Variants in MAGI2 observed in about 807,000 individuals in gnomAD.
MAGI2 encodes the protein membrane-associated guanylate kinase, WW and PDZ domain-containing protein 2.
A neutral mutation model predicts 133.3 loss-of-function variants in MAGI2; 35 were observed. The observed-to-expected ratio is 0.26, with a 90% CI of 0.20 to 0.35. The LOEUF is 0.35. Among genes scored for constraint, MAGI2 ranks in the 10% least tolerant of loss-of-function variants. MAGI2 has a pLI of 1.00. For missense variants in MAGI2, 1,636 were observed against 1,863.4 expected, an observed-to-expected ratio of 0.88 and a Z score of 2.25; for synonymous variants, 729 against 710.6, an observed-to-expected ratio of 1.03 and a Z score of -0.41.
rs34294077 is a variant in MAGI2 at position 78,730,412 on chromosome 7, CAAAAAAAA to C, written c.419-103181_419-103174del. Among the ~76,000 whole-genome samples, 7 of 138,236 alleles carry C rather than the reference CAAAAAAAA, an allele frequency of 5.1e-5. No individual in the cohort carries two copies. In the East Asian group the frequency reaches 1.1e-3, roughly 21 times the overall value. The allele number at this position is 138,236 out of a possible 152,430, so 90.7% of individuals were successfully genotyped here. A position where few individuals can be genotyped will look rare whatever the true frequency, so the allele number is the denominator to read the frequency against. On this transcript the variant is annotated intron_variant, in intron 2 of 21. Transcript: ENST00000354212. ...TTCTTCCAAGCCACTAATACTAAGC[CAAAAAAAA>C]AAAAAAAAAGAGGCATAACTGGCAT...
chr7:78,070,162 TAC>T (rs1304325793), intron 21 of MAGI2, among the ~76,000 whole-genome samples: 43 of 53,620 alleles, frequency 8.0e-4, no homozygotes, highest in South Asian at 2.6e-3. Flanking sequence ...CACATATATA[TAC>T]ACACACACAC....
At chr7:78,098,196 G>C (rs1159858484) in intron 20 of MAGI2, among the ~76,000 whole-genome samples, 1 of 152,070 alleles carries the variant, frequency 6.6e-6, no homozygotes, top group East Asian at 1.9e-4. Context: ...CATGCTTTCT[G>C]ACTTTATTCC....
chr7:78,513,231 T>A (rs1795756673), intron 4 of MAGI2, among the ~76,000 whole-genome samples: 2 of 152,178 alleles, frequency 1.3e-5, no homozygotes, highest in African/African-American at 4.8e-5. Context: ...GACTTTAAAT[T>A]TGATCTTGAT....
intron 1 of MAGI2, among the ~76,000 whole-genome samples, chr7:79,227,303 C>G (rs1241358230): frequency 6.6e-6 from 1 of 152,114 alleles, no homozygotes; most frequent in Non-Finnish European, 1.5e-5. Flanking sequence ...ATAATATACC[C>G]ACTGTAATGT....
intron 6 of MAGI2, chr7:78,486,329 T>C (rs1436807896): frequency 2.0e-5 from 3 of 151,946 alleles, no homozygotes; most frequent in African/African-American, 4.8e-5. Context: ...AAAATATTGG[T>C]GTTCAAGACC....
chr7:78,550,756 G>T (rs1799264668), intron 3 of MAGI2, among the ~76,000 whole-genome samples: 1 of 147,148 alleles, frequency 6.8e-6, no homozygotes. Context: ...CCTCTGAACA[G>T]TTTTTTTTTT....
intron 2 of MAGI2, among the ~76,000 whole-genome samples, chr7:78,911,844 C>T (rs1253366361): frequency 6.6e-6 from 1 of 151,910 alleles, no homozygotes; most frequent in Non-Finnish European, 1.5e-5. Context: ...CTGTTCCTCT[C>T]TCTCCTCCAA....
intron 2 of MAGI2, among the ~76,000 whole-genome samples, chr7:78,779,523 A>G (rs1826239675): frequency 1.3e-5 from 2 of 152,234 alleles, no homozygotes; most frequent in African/African-American, 2.4e-5. Context: ...TGGTCTACCT[A>G]GAGACCAGAA....
chr7:78,925,740 C>CA (rs903278880), intron 2 of MAGI2, among the ~76,000 whole-genome samples: 6 of 151,360 alleles, frequency 4.0e-5, no homozygotes, highest in African/African-American at 1.2e-4. Context: ...ATGTATTTTT[C>CA]AAAAAATATT....
At chr7:78,211,086 T>C (rs1787723806) in intron 10 of MAGI2, among the ~76,000 whole-genome samples, 2 of 152,098 alleles carry the variant, frequency 1.3e-5, no homozygotes, top group South Asian at 4.1e-4. Flanking sequence ...GAAGATTCAG[T>C]AGGAAAGAGG....
intron 2 of MAGI2, among the ~76,000 whole-genome samples, chr7:78,876,166 C>CA (rs1396309040): frequency 2.0e-5 from 3 of 151,024 alleles, no homozygotes; most frequent in Non-Finnish European, 4.4e-5. Context: ...ACTAAAAATA[C>CA]AAAAAAATTA....
intron 1 of MAGI2, among the ~76,000 whole-genome samples, chr7:79,204,515 C>T (rs1025081648): frequency 1.3e-5 from 2 of 152,014 alleles, no homozygotes; most frequent in Non-Finnish European, 2.9e-5. Context: ...AAAATAAGTA[C>T]CACTTTTTCA....
chr7:79,277,943 C>G (rs987391996), intron 1 of MAGI2, among the ~76,000 whole-genome samples: 4 of 152,122 alleles, frequency 2.6e-5, no homozygotes, highest in Non-Finnish European at 4.4e-5. Context: ...TTAGCAAAAA[C>G]AGGCAGCCCA....
chr7:78,562,922 G>C (rs573810751), intron 3 of MAGI2, among the ~76,000 whole-genome samples: 1 of 151,434 alleles, frequency 6.6e-6, no homozygotes, highest in Non-Finnish European at 1.5e-5. Flanking sequence ...AAGCTTGAAG[G>C]CCCCATAATT....
At chr7:78,871,754 C>A (rs1795044971) in intron 2 of MAGI2, among the ~76,000 whole-genome samples, 1 of 151,884 alleles carries the variant, frequency 6.6e-6, no homozygotes, top group Non-Finnish European at 1.5e-5. Context: ...TTACCATTTG[C>A]ATGTAAATTT....
At chr7:78,107,583 C>T (rs1313270398) in intron 20 of MAGI2, among the ~76,000 whole-genome samples, 1 of 151,870 alleles carries the variant, frequency 6.6e-6, no homozygotes, top group Non-Finnish European at 1.5e-5. Context: ...TATTTCTAGG[C>T]ATTTTATTTT....
intron 6 of MAGI2, among the ~76,000 whole-genome samples, chr7:78,379,191 T>C (rs1052135455): frequency 6.6e-6 from 1 of 152,016 alleles, no homozygotes; most frequent in African/African-American, 2.4e-5. Context: ...AGTCATATTA[T>C]AATACGGGCA....
chr7:78,030,586 A>G (rs1809463983), intron 21 of MAGI2, among the ~76,000 whole-genome samples: 1 of 152,250 alleles, frequency 6.6e-6, no homozygotes, highest in South Asian at 2.1e-4. Flanking sequence ...CAGTTTACCA[A>G]GATGATATGC....
chr7:78,241,329 G>T (rs773208942), intron 10 of MAGI2, among the ~76,000 whole-genome samples: 1 of 152,160 alleles, frequency 6.6e-6, no homozygotes, highest in South Asian at 2.1e-4. Context: ...AACTCTACAA[G>T]ATTCCCAGAA....
Sources: allele counts gnomAD v4.1 joint callset (sites outside exome capture counted in the v4.1 genomes callset), GRCh38; gene constraint gnomAD v4.1.1; transcripts MANE v1.5; gene names NCBI Gene and HGNC (gene_info 2026-07-23, HGNC 2026-07-21).